The following GATA4 variants were observed in gnomAD, a reference collection of about 807,000 sequenced individuals.
The protein encoded by GATA4 is GATA binding protein 4, also known as transcription factor GATA-4.
GATA4 carries 7 observed loss-of-function variants against 37.9 expected under a neutral mutation model. The ratio of observed to expected loss-of-function variants is 0.18; its 90% CI spans 0.11 to 0.35. GATA4 has a LOEUF of 0.35. Ranked by LOEUF, GATA4 falls within the 10% of genes least tolerant of loss-of-function variation. The pLI is 1.00. For synonymous variants in GATA4, 372 were observed against 292.6 expected (o/e 1.27, Z -2.77); for missense variants, 647 against 653.0 (o/e 0.99, Z 0.10).
At chr8:11,688,393 G>T (rs192890689), upstream of GATA4, among the ~76,000 whole-genome samples, 20 of 152,284 alleles carry the variant, frequency 1.3e-4, no homozygotes, top group Admixed American at 1.0e-3. Context: ...AGTATGTATT[G>T]TGTACCTACT....
At chr8:11,745,303 G>A (rs771700291) in intron 2 of GATA4, among the ~76,000 whole-genome samples, 7 of 151,750 alleles carry the variant, frequency 4.6e-5, no homozygotes, top group Non-Finnish European at 8.8e-5. Flanking sequence ...GGTGGACATG[G>A]TGGCTCACGC....
chr8:11,707,610 C>T lies in GATA4; in HGVS notation c.-457-246C>T, dbSNP rs1023273020. Among the ~76,000 whole-genome samples, 4 of 152,296 alleles carry T rather than the reference C, an allele frequency of 2.6e-5. No individual in the cohort carries two copies. Among genetic ancestry groups the T allele is most frequent in the Non-Finnish European group, 4.4e-5 (3 of 68,014 alleles). On this transcript the variant is annotated intron_variant, in intron 1 of 6. Transcript: ENST00000532059. This position sits in a 1 kb window ranked among gnomAD's most constrained non-coding sequence, Gnocchi z 4.7. ...CAAGATCACAACCAATAACTGCACA[C>T]CAAAGACCCGGGAAGCCCCTGGTCC...
intron 2 of GATA4, among the ~76,000 whole-genome samples, chr8:11,729,793 G>T (rs1035832745): frequency 3.3e-5 from 5 of 152,232 alleles, no homozygotes; most frequent in African/African-American, 9.6e-5. Context: ...ACCCATGGTG[G>T]TTGCTCAATT....
chr8:11,687,823 T>C (rs770362642), upstream of GATA4, among the ~76,000 whole-genome samples: 8 of 152,026 alleles, frequency 5.3e-5, no homozygotes, highest in Non-Finnish European at 1.2e-4. Context: ...AATCAAAAAA[T>C]TACACAGCTA....
At chr8:11,690,358 A>G (rs190271024), upstream of GATA4, among the ~76,000 whole-genome samples, 56 of 152,358 alleles carry the variant, frequency 3.7e-4, 1 homozygote, top group East Asian at 8.9e-3. Flanking sequence ...TTTTTAAAAA[A>G]TGTCTACTAT....
Position 11,705,017 on chromosome 8 carries a change from C to T in GATA4, c.-458+713C>T, listed in dbSNP as rs80077219. Among the ~76,000 whole-genome samples, 1,513 of 152,352 alleles carry T rather than the reference C, an allele frequency of 9.9e-3. 8 individuals are homozygous for T. Among genetic ancestry groups the T allele is most frequent in the Non-Finnish European group, 0.016 (1,067 of 68,036 alleles). On this transcript the variant is annotated intron_variant, in intron 1 of 6. Transcript: ENST00000532059. The stretch of plus-strand genomic sequence containing the variant: ...CGCCGGCCACGGGGCTGCCCGGATC[C>T]GCCGGGTTATGTCGCTTGGCTTTGG...
intron 1 of GATA4, chr8:11,693,048 G>A (rs1799373255): frequency 3.0e-6 from 3 of 985,282 alleles, no homozygotes; most frequent in Non-Finnish European, 3.6e-6. Flanking sequence ...GCCTCTGCGT[G>A]GAGTGGGCCG....
At chr8:11,740,000 G>A (rs1801650489) in intron 2 of GATA4, among the ~76,000 whole-genome samples, 1 of 152,202 alleles carries the variant, frequency 6.6e-6, no homozygotes, top group Non-Finnish European at 1.5e-5. Flanking sequence ...ACAAGGCAGT[G>A]GACAGGGAAG....
chr8:11,688,302 C>A (rs1799203983), upstream of GATA4, among the ~76,000 whole-genome samples: 2 of 152,174 alleles, frequency 1.3e-5, no homozygotes, highest in Non-Finnish European at 2.9e-5. Flanking sequence ...ACATTTTTTG[C>A]ATTTCAGAAA....
At chr8:11,715,187 TA>T (rs902645261) in intron 2 of GATA4, among the ~76,000 whole-genome samples, 7 of 151,956 alleles carry the variant, frequency 4.6e-5, no homozygotes, top group African/African-American at 7.2e-5. Flanking sequence ...CTGTTTGTGT[TA>T]AAAAAAAGAA....
chr8:11,757,498 G>A (rs1802655198), intron 6 of GATA4, among the ~76,000 whole-genome samples: 1 of 152,234 alleles, frequency 6.6e-6, no homozygotes, highest in African/African-American at 2.4e-5. Flanking sequence ...TGCGCTGTCG[G>A]AGGCCGAGCG....
intron 1 of GATA4, chr8:11,680,862 C>T (rs1563183087): frequency 2.0e-6 from 2 of 985,392 alleles, no homozygotes; most frequent in Non-Finnish European, 2.4e-6. Context: ...AGCCCCTGAC[C>T]CATTTCTTCT....
intron 2 of GATA4, among the ~76,000 whole-genome samples, chr8:11,727,801 T>G (rs1320440171): frequency 6.6e-6 from 1 of 151,480 alleles, no homozygotes; most frequent in Non-Finnish European, 1.5e-5. Context: ...TGATCTAGCC[T>G]GGGTGACAGA....
At chr8:11,680,734 G>T (rs958326936) in intron 1 of GATA4, 29 of 985,196 alleles carry the variant, frequency 2.9e-5, no homozygotes, top group South Asian at 4.7e-5. Context: ...TACCCTGGGC[G>T]GCGAGGAGAG....
chr8:11,743,280 T>TA (rs1441296076), intron 2 of GATA4, among the ~76,000 whole-genome samples: 1 of 152,254 alleles, frequency 6.6e-6, no homozygotes, highest in Non-Finnish European at 1.5e-5. Flanking sequence ...ACATGTTCGT[T>TA]ACGTCTAGCA....
chr8:11,743,919 A>G (rs1219536440), intron 2 of GATA4, among the ~76,000 whole-genome samples: 1 of 152,178 alleles, frequency 6.6e-6, no homozygotes, highest in African/African-American at 2.4e-5. Flanking sequence ...TATGGGAGGA[A>G]GTGAAGAGTG....
intron 1 of GATA4, among the ~76,000 whole-genome samples, chr8:11,686,997 CAA>C (rs56173582): frequency 2.7e-4 from 31 of 115,370 alleles, no homozygotes; most frequent in African/African-American, 8.1e-4. Context: ...GAATCCGTTT[CAA>C]AAAAAAAAAA....
At chr8:11,699,600 C>T (rs548786984), upstream of GATA4, among the ~76,000 whole-genome samples, 3 of 152,234 alleles carry the variant, frequency 2.0e-5, no homozygotes, top group Non-Finnish European at 1.5e-5. Context: ...ACATACATGG[C>T]GGCGCCTGCG....
upstream of GATA4, chr8:11,691,938 C>A (rs1455177616): frequency 2.3e-6 from 2 of 880,014 alleles, no homozygotes; most frequent in African/African-American, 1.8e-5. Context: ...TCAAAAACCA[C>A]TTCAGACCAT....
Sources: gnomAD v4.1 joint callset for allele counts (sites outside exome capture counted in the v4.1 genomes callset) on GRCh38, gnomAD v4.1.1 for gene constraint, Gnocchi (gnomAD v3.1) non-coding constraint, MANE v1.5 for transcripts, NCBI Gene and HGNC (gene_info 2026-07-23, HGNC 2026-07-21) for gene names.